ANK2: variants seen among roughly 807,000 people sequenced by gnomAD.
The protein encoded by ANK2 is ankyrin-2.
ANK2 carries 83 observed loss-of-function variants against 360.5 expected under a neutral mutation model. That is an observed-to-expected ratio of 0.23 (90% CI 0.19 to 0.28). The LOEUF (loss-of-function observed/expected upper bound fraction) is 0.28. ANK2 is among the 10% of genes least tolerant of loss of function. ANK2 has a pLI of 1.00. For missense variants in ANK2, 4,201 were observed against 4,795.7 expected (o/e 0.88, Z 3.66); for synonymous variants, 1,740 against 1,759.5 (o/e 0.99, Z 0.28).
chr4:112,837,819 C>T (rs568673330), intron 1 of ANK2, among the ~76,000 whole-genome samples: 2 of 152,246 alleles, frequency 1.3e-5, no homozygotes, highest in Non-Finnish European at 2.9e-5. Context: ...TACCCAATGC[C>T]TGTACCTCAT....
the ANK2 span, among the ~76,000 whole-genome samples, chr4:112,707,737 C>T: frequency 2.0e-5 from 3 of 152,260 alleles, no homozygotes. Flanking sequence ...TGCACTCAGA[C>T]ATTTCTATGA....
chr4:112,810,165 T>A, the ANK2 span, among the ~76,000 whole-genome samples: 1,706 of 26,826 alleles, frequency 0.064, 3 homozygotes, highest in South Asian at 0.11. Context: ...ATATATTTTT[T>A]TTTTTTTTTT....
chr4:113,088,825 G>GAA (rs1368597519), intron 1 of ANK2, among the ~76,000 whole-genome samples: 2 of 152,158 alleles, frequency 1.3e-5, no homozygotes, highest in African/African-American at 4.8e-5. Context: ...ACAGGTCTGT[G>GAA]AATTGGATCC....
the ANK2 span, among the ~76,000 whole-genome samples, chr4:112,802,372 C>T: frequency 6.6e-6 from 1 of 152,212 alleles, no homozygotes; most frequent in East Asian, 1.9e-4. Context: ...GAGCATGCAG[C>T]TTGCTGCTTC....
chr4:113,316,164 C>T (rs1430321326), intron 24 of ANK2, among the ~76,000 whole-genome samples: 1 of 152,164 alleles, frequency 6.6e-6, no homozygotes, highest in African/African-American at 2.4e-5. Context: ...AAGGCTCTGT[C>T]AAGAGCCTCA....
chr4:113,188,461 A>G (rs1294189652), intron 2 of ANK2, among the ~76,000 whole-genome samples: 2 of 152,128 alleles, frequency 1.3e-5, no homozygotes, highest in African/African-American at 2.4e-5. Context: ...TATAGGGGGA[A>G]ACTTCTTTTG....
In ANK2 at chr4:112,992,695, G is replaced by T. The variant is rs372908006; in HGVS notation, c.21+88181G>T. The stretch of plus-strand genomic sequence containing the variant: ...AGCTCTTGGTGTCTCGTCTTGTAAG[G>T]GCACGAATCTCATCAAGAGGGCTCC... On this transcript the variant is annotated intron_variant, in intron 2 of 30. Transcript: ENST00000503271. Among the ~76,000 whole-genome samples the T allele has an allele frequency of 3.3e-5, 5 of 152,054 alleles. No homozygotes were observed. In the East Asian group the frequency reaches 9.7e-4, roughly 29 times the overall value.
intron 31 of ANK2, among the ~76,000 whole-genome samples, chr4:113,337,801 T>TGTTATCATTTCTGGGTATC (rs1418761576): frequency 6.6e-6 from 1 of 152,188 alleles, no homozygotes; most frequent in Non-Finnish European, 1.5e-5. Flanking sequence ...TTTTGGTTAT[T>TGTTATCATTTCTGGGTATC]GCTATCATTT....
intron 1 of ANK2, among the ~76,000 whole-genome samples, chr4:113,144,413 T>A (rs2096751810): frequency 6.6e-6 from 1 of 151,534 alleles, no homozygotes; most frequent in South Asian, 2.1e-4. Flanking sequence ...TTATTTTTAA[T>A]TTTTTTAAAA....
At chr4:112,721,315 G>A in the ANK2 span, among the ~76,000 whole-genome samples, 1 of 152,048 alleles carries the variant, frequency 6.6e-6, no homozygotes, top group East Asian at 1.9e-4. Context: ...CAAGGCAGGT[G>A]GATCACTGGA....
At chr4:113,301,112 TTGG>T (rs2074722429) in intron 22 of ANK2, among the ~76,000 whole-genome samples, 1 of 152,160 alleles carries the variant, frequency 6.6e-6, no homozygotes, top group African/African-American at 2.4e-5. Context: ...TTTTTGTACT[TTGG>T]TGGTTTTAGT....
upstream of ANK2, among the ~76,000 whole-genome samples, chr4:113,045,694 G>A (rs980062814): frequency 6.6e-6 from 1 of 152,054 alleles, no homozygotes; most frequent in Non-Finnish European, 1.5e-5. Context: ...AGCTAAAAGG[G>A]CTTTATGAAT....
chr4:113,235,464 G>GA (rs2099364498), intron 5 of ANK2, among the ~76,000 whole-genome samples: 1 of 152,014 alleles, frequency 6.6e-6, no homozygotes, highest in Non-Finnish European at 1.5e-5. Context: ...ATTATTTTCG[G>GA]AAAAAAATGG....
chr4:113,238,130 A>G (rs1272124171), intron 7 of ANK2, among the ~76,000 whole-genome samples: 2 of 152,182 alleles, frequency 1.3e-5, no homozygotes, highest in Non-Finnish European at 2.9e-5. Context: ...TTTTTCTTGT[A>G]AGTCTTAAAA....
At chr4:112,888,179 G>A (rs1466408540) in intron 1 of ANK2, among the ~76,000 whole-genome samples, 3 of 152,060 alleles carry the variant, frequency 2.0e-5, no homozygotes, top group African/African-American at 7.2e-5. Context: ...GTATTTATAA[G>A]CTTTCTTTGA....
the ANK2 span, among the ~76,000 whole-genome samples, chr4:112,770,972 G>A: frequency 1.0e-3 from 154 of 152,294 alleles, 2 homozygotes; most frequent in African/African-American, 3.4e-3. Flanking sequence ...GAAGAACAGG[G>A]GATTCTGCCA....
intron 2 of ANK2, among the ~76,000 whole-genome samples, chr4:112,921,114 C>T (rs539979910): frequency 2.6e-4 from 35 of 136,480 alleles, no homozygotes; most frequent in South Asian, 7.0e-4. Flanking sequence ...TGCAGTGGTG[C>T]GATCTCGGCT....
At chr4:112,881,883 G>T (rs1004415812) in intron 1 of ANK2, 1 of 723,742 alleles carries the variant, frequency 1.4e-6, no homozygotes, top group Non-Finnish European at 2.5e-6. Context: ...TCTTGAGACC[G>T]CTCTCTTTGG....
the ANK2 span, among the ~76,000 whole-genome samples, chr4:112,805,272 A>C: frequency 6.6e-6 from 1 of 152,170 alleles, no homozygotes; most frequent in East Asian, 1.9e-4. Flanking sequence ...GAGAAATGGG[A>C]AATTCTTTAA....
Sources: gnomAD v4.1 joint callset for allele counts (sites outside exome capture counted in the v4.1 genomes callset) on GRCh38, gnomAD v4.1.1 for gene constraint, MANE v1.5 for transcripts, NCBI Gene and HGNC (gene_info 2026-07-23, HGNC 2026-07-21) for gene names.